The following RPAP1 variants were observed in gnomAD, a reference collection of about 807,000 sequenced individuals.
RPAP1 encodes the protein RNA polymerase II-associated protein 1.
Under a neutral mutation model 142.4 loss-of-function variants are expected in RPAP1, and 109 were observed. The observed-to-expected ratio is 0.77, with a 90% CI of 0.66 to 0.90. RPAP1 has a LOEUF of 0.90. Among genes scored for constraint, RPAP1 ranks in the 40% least tolerant of loss-of-function variants. The pLI is 0.00. For missense variants in RPAP1, 1,546 were observed against 1,751.7 expected (o/e 0.88, Z 2.10); for synonymous variants, 704 against 738.9 (o/e 0.95, Z 0.77).
intron 1 of RPAP1, among the ~76,000 whole-genome samples, chr15:41,541,322 C>A (rs2051969854): frequency 6.6e-6 from 1 of 151,020 alleles, no homozygotes. Flanking sequence ...ACTTGGGAGG[C>A]TGAGGCAGGA....
Position 41,522,768 on chromosome 15 carries a change from G to C in RPAP1, c.2739C>G (p.Gly913=), listed in dbSNP as rs371642394. 3.9e-6 allele frequency: 6 copies of C among 1,551,268 alleles called. No individual in the cohort carries two copies. Among genetic ancestry groups the C allele is most frequent in the Middle Eastern group, 1.7e-4 (1 of 5,888 alleles). The change falls in exon 19 of 25, where the codon GGC becomes GGG. Residue 913 remains glycine, a synonymous_variant. Coordinates refer to ENST00000304330, the MANE Select transcript of RPAP1 (RefSeq NM_015540.4). The part of the protein sequence containing the change: ...TLAQIHKGLC[G]QLAAILAAPG... ...TAATCAGGCACCCCACACTTACCTG[G>C]CCACACAGCCCCTTGTGGATCTGGG...
chr15:41,536,911 T>A (rs778748137), intron 2 of RPAP1, 34 bp downstream of exon 2: 3 of 1,605,472 alleles, frequency 1.9e-6, no homozygotes, highest in Non-Finnish European at 2.6e-6. Context: ...CTGTACCCTC[T>A]CTACTTCTCA....
chr15:41,518,352 G>T, intron 22 of RPAP1, 170 bp from the exon 23 acceptor site: 1 of 555,810 alleles, frequency 1.8e-6, no homozygotes, highest in Non-Finnish European at 3.0e-6. Context: ...CAGAGCAGAT[G>T]TTGGGGAAAA....
Position 41,535,409 on chromosome 15 carries a change from A to C in RPAP1, c.541+103T>G, listed in dbSNP as rs905091091. ...ATTCTCAGACTACTTGAGATGGCTCAAATGCACCTCTCATTTGAGGCAGGA... is the reference window on the plus strand; with the variant it reads ...ATTCTCAGACTACTTGAGATGGCTCCAATGCACCTCTCATTTGAGGCAGGA... On this transcript the variant is annotated intron_variant, in intron 5 of 24. Coordinates refer to ENST00000304330, the MANE Select transcript of RPAP1 (RefSeq NM_015540.4). 2.1e-6 allele frequency: 3 copies of C among 1,462,008 alleles called. No homozygotes were observed. The African/African-American group carries it at 4.3e-5, about 21-fold the overall frequency. The allele number at this position is 1,462,008 out of a possible 1,614,324, so 90.6% of individuals were successfully genotyped here.
chr15:41,525,965 T>C (rs2051786669), intron 14 of RPAP1, among the ~76,000 whole-genome samples: 1 of 151,854 alleles, frequency 6.6e-6, no homozygotes, highest in Non-Finnish European at 1.5e-5. Context: ...TATTATTTGT[T>C]TTTAGATGGA....
At position 41,524,248 on chromosome 15, in the gene RPAP1, G is replaced by A. The variant is rs377353071; in HGVS notation, c.2082C>T (p.Leu694=). The A allele has an allele frequency of 3.3e-6, 5 of 1,525,560 alleles. No homozygotes were observed. The East Asian group carries it at 9.1e-5, about 28-fold the overall frequency. The allele number at this position is 1,525,560 out of a possible 1,614,324, so 94.5% of individuals were successfully genotyped here. ...YGQGGYLYRE[L]YPVLMRALQV... ...GCAAGGCCCGCATCAGCACTGGGTA[G>A]AGCTCCCTAGGGAAGAACAGGGACT... Residue 694 remains leucine, a synonymous_variant, in exon 16 of 25, where the codon CTC becomes CTT. Coordinates refer to ENST00000304330, the MANE Select transcript of RPAP1 (RefSeq NM_015540.4).
chr15:41,535,360 G>A, intron 5 of RPAP1, 152 bp downstream of exon 5: 1 of 1,136,872 alleles, frequency 8.8e-7, no homozygotes, highest in Non-Finnish European at 1.2e-6. Flanking sequence ...ACCCAGATAT[G>A]GACCCAAGCC....
intron 6 of RPAP1, among the ~76,000 whole-genome samples, chr15:41,534,065 T>C (rs1595487461): frequency 6.6e-6 from 1 of 150,548 alleles, no homozygotes; most frequent in Admixed American, 6.6e-5. Flanking sequence ...GAGGTTGCAG[T>C]GAGCCTACGT....
At position 41,530,316 on chromosome 15, in the gene RPAP1, TC is replaced by T. The variant is rs2051835307; in HGVS notation, c.944-338del. On this transcript the variant is annotated intron_variant, in intron 7 of 24. Transcript: ENST00000304330. ...GACCACATATGTCAGGAAGGCACCA[TC>T]TCCACTTTCCAGTACCAGCCCTTAA... 1.3e-5 allele frequency among the ~76,000 whole-genome samples: 2 copies of T among 152,000 alleles called. 1 individual carries two copies. The highest frequency in any genetic ancestry group is 4.2e-4 in the South Asian group (2 of 4,802).
At position 41,520,338 on chromosome 15, in the gene RPAP1, C is replaced by T. The variant is rs192642067; in HGVS notation, c.3795+53G>A. ...AAGCTCCTCAAGGCTCAGGACTGCC[C>T]CCGAGGCCCAGTGCAGGGTACCCTT... On this transcript the variant is annotated intron_variant, in intron 22 of 24. Transcript: ENST00000304330. The T allele has an allele frequency of 1.3e-3, 2,083 of 1,600,708 alleles. 3 individuals carry two copies. Among genetic ancestry groups the T allele is most frequent in the Non-Finnish European group, 1.6e-3 (1,919 of 1,172,870 alleles).
At position 41,518,129 on chromosome 15, in the gene RPAP1, G is replaced by A. The variant is rs201029605; in HGVS notation, c.3849C>T (p.Leu1283=). 4.1e-4 allele frequency: 653 copies of A among 1,600,434 alleles called. 10 individuals are homozygous for A. The South Asian group carries it at 7.0e-3, about 17-fold the overall frequency. The change falls in exon 23 of 25, where the codon CTC becomes CTT. Residue 1283 remains leucine, a synonymous_variant. Transcript: ENST00000304330. The part of the protein sequence containing the change: ...YTVPPEDNLA[L]LQLYFRTLVT... ...CCAGGGTCCGGAAGTAGAGCTGAAG[G>A]AGGGCCAGGTTGTCTTCAGGAGGCA...
At chr15:41,524,374 G>A (rs377553228) in intron 15 of RPAP1, 120 bp from the exon 16 acceptor site, 14 of 817,860 alleles carry the variant, frequency 1.7e-5, no homozygotes, top group Non-Finnish European at 2.3e-5. Context: ...GGAAGAGTGG[G>A]GCACTCTTGG....
intron 11 of RPAP1, 39 bp downstream of exon 11, chr15:41,527,821 C>A (rs1322444975): frequency 6.2e-7 from 1 of 1,609,506 alleles, no homozygotes; most frequent in Non-Finnish European, 8.5e-7. Flanking sequence ...TGGACCCTGG[C>A]ACCTCCCAGC....
At chr15:41,531,536 G>A (rs1489528259) in intron 6 of RPAP1, among the ~76,000 whole-genome samples, 3 of 148,294 alleles carry the variant, frequency 2.0e-5, no homozygotes, top group Non-Finnish European at 3.0e-5. Flanking sequence ...GTTGACTAGG[G>A]CCAAAAAGAA....
chr15:41,530,035 G>A (rs559895835), intron 7 of RPAP1, 56 bp from the exon 8 acceptor site: 3 of 1,406,360 alleles, frequency 2.1e-6, no homozygotes, highest in Non-Finnish European at 3.0e-6. Flanking sequence ...CTATCCACAG[G>A]GGTCCCCACC....
rs556975272 is a variant in RPAP1 at position 41,530,481 on chromosome 15, C to T, written c.944-502G>A. Among the ~76,000 whole-genome samples the T allele has an allele frequency of 1.3e-4, 20 of 152,306 alleles. No individual in the cohort carries two copies. In the South Asian group the frequency reaches 2.1e-3, roughly 16 times the overall value. Reference sequence around the variant, plus strand: ...CTGCTCAGCTGGCCTGGAGCTCCTCCGGGGGCATGAGGTTCCTGGCTCTCA... The same window carrying T: ...CTGCTCAGCTGGCCTGGAGCTCCTCTGGGGGCATGAGGTTCCTGGCTCTCA... On this transcript the variant is annotated intron_variant, in intron 7 of 24. Coordinates refer to ENST00000304330, the MANE Select transcript of RPAP1 (RefSeq NM_015540.4).
chr15:41,536,780 T>A, intron 2 of RPAP1, 131 bp from the exon 3 acceptor site: 1 of 1,393,188 alleles, frequency 7.2e-7, no homozygotes, highest in Non-Finnish European at 9.7e-7. Flanking sequence ...ATATTTAACC[T>A]CTTTGAGCCT....
intron 22 of RPAP1, among the ~76,000 whole-genome samples, chr15:41,518,812 C>CTCTA (rs1385041315): frequency 6.6e-6 from 1 of 152,174 alleles, no homozygotes. Flanking sequence ...GGCCACTGCA[C>CTCTA]TCTAGCCTGA....
At chr15:41,531,310 C>T (rs934013818) in intron 6 of RPAP1, 108 bp from the exon 7 acceptor site, 1 of 1,125,046 alleles carries the variant, frequency 8.9e-7, no homozygotes, top group Admixed American at 2.2e-5. Context: ...AAGGACAGGA[C>T]AAGCTGCTTC....
Sources: allele counts gnomAD v4.1 joint callset (sites outside exome capture counted in the v4.1 genomes callset), GRCh38; gene constraint gnomAD v4.1.1; transcripts MANE v1.5; gene names NCBI Gene and HGNC (gene_info 2026-07-23, HGNC 2026-07-21).